The following WDR49 variants were observed in gnomAD, a reference collection of about 807,000 sequenced individuals.
WDR49 encodes the protein WD repeat domain 49.
A neutral mutation model predicts 119.5 loss-of-function variants in WDR49; 107 were observed. That is an observed-to-expected ratio of 0.90 (90% CI 0.77 to 1.05). The LOEUF (loss-of-function observed/expected upper bound fraction) is 1.05, where lower values mean the gene tolerates loss of function less well. Among genes scored for constraint, WDR49 ranks in the 50% least tolerant of loss-of-function variants. WDR49 has a pLI of 0.00. For synonymous variants in WDR49, 425 were observed against 418.8 expected (o/e 1.01, Z -0.18); for missense variants, 1,240 against 1,220.5 (o/e 1.02, Z -0.24).
chr3:167,523,489 C>T (rs1752527305), intron 15 of WDR49, among the ~76,000 whole-genome samples: 1 of 151,714 alleles, frequency 6.6e-6, no homozygotes, highest in African/African-American at 2.4e-5. Flanking sequence ...ATCAACCCAT[C>T]ATCTAAGTTT....
chr3:167,527,810 A>G lies in WDR49; in HGVS notation c.2604+10T>C. The stretch of plus-strand genomic sequence containing the variant: ...TAAATACTAGAATAATAAAGAAGCA[A>G]TATTTCTACCTGACCAAAGATCCAA... On this transcript the variant is annotated intron_variant, in intron 15 of 18. Coordinates refer to ENST00000682715, the MANE Select transcript of WDR49 (RefSeq NM_001366157.1). The G allele has an allele frequency of 6.2e-7, 1 of 1,609,264 alleles. No homozygotes were observed. Among genetic ancestry groups the G allele is most frequent in the Non-Finnish European group, 8.5e-7 (1 of 1,178,096 alleles).
At chr3:167,657,389 A>C (rs1332792086), upstream of WDR49, among the ~76,000 whole-genome samples, 2 of 152,174 alleles carry the variant, frequency 1.3e-5, no homozygotes, top group Non-Finnish European at 2.9e-5. Flanking sequence ...ACAGTATACC[A>C]TAATATAATA....
chr3:167,614,673 T>C (rs1716511744), intron 5 of WDR49, among the ~76,000 whole-genome samples: 1 of 152,212 alleles, frequency 6.6e-6, no homozygotes, highest in African/African-American at 2.4e-5. Flanking sequence ...AAGCACTATG[T>C]TAATACTCTT....
intron 17 of WDR49, among the ~76,000 whole-genome samples, chr3:167,501,630 G>T (rs1175614681): frequency 6.6e-6 from 1 of 152,096 alleles, no homozygotes; most frequent in African/African-American, 2.4e-5. Context: ...TTGGACATAA[G>T]TTGAAAAGAT....
intron 2 of WDR49, among the ~76,000 whole-genome samples, chr3:167,635,001 T>C (rs140107756): frequency 6.6e-6 from 1 of 151,838 alleles, no homozygotes; most frequent in East Asian, 1.9e-4. Flanking sequence ...TATATATTGG[T>C]CTTTATTACA....
At chr3:167,584,757 G>C (rs1714720280) in intron 7 of WDR49, among the ~76,000 whole-genome samples, 1 of 151,878 alleles carries the variant, frequency 6.6e-6, no homozygotes, top group Non-Finnish European at 1.5e-5. Flanking sequence ...GAACCATAAA[G>C]TTAAATGCAA....
intron 2 of WDR49, among the ~76,000 whole-genome samples, chr3:167,648,415 A>G (rs1056919234): frequency 1.3e-5 from 2 of 152,192 alleles, no homozygotes; most frequent in Non-Finnish European, 2.9e-5. Context: ...ATAGCAGATT[A>G]TTGTCCCAGA....
At chr3:167,608,446 G>A (rs1716168382) in intron 5 of WDR49, among the ~76,000 whole-genome samples, 1 of 152,176 alleles carries the variant, frequency 6.6e-6, no homozygotes, top group African/African-American at 2.4e-5. Flanking sequence ...GGCATCCGAA[G>A]TATTGCTTTA....
At chr3:167,533,001 A>G (rs1752903057) in intron 11 of WDR49, 24 bp from the exon 12 acceptor site, 1 of 1,500,022 alleles carries the variant, frequency 6.7e-7, no homozygotes, top group Non-Finnish European at 9.1e-7. Flanking sequence ...GATGGAGAAT[A>G]TAAATTGCCA....
intron 18 of WDR49, among the ~76,000 whole-genome samples, chr3:167,480,919 G>T (rs577754920): frequency 6.6e-6 from 1 of 152,166 alleles, no homozygotes. Context: ...GGTTTGGATC[G>T]GTGAAATAGA....
chr3:167,554,752 T>C lies in WDR49; in HGVS notation c.1721A>G (p.Gln574Arg), dbSNP rs749589732. 1.2e-6 allele frequency: 2 copies of C among 1,613,288 alleles called. No homozygotes were observed. Among genetic ancestry groups the C allele is most frequent in the Admixed American group, 1.7e-5 (1 of 59,924 alleles). Residue 574 changes from glutamine (Q) to arginine (R), a missense_variant, in exon 10 of 19, where the codon CAA becomes CGA. Transcript: ENST00000682715. ...GYCHHTLNVGQDGAVDISQIL... is the reference protein window; with the variant it reads ...GYCHHTLNVGRDGAVDISQIL... ...TTGTGAAATATCCACAGCTCCATCTTGCCCAACATTTAGTGTATGGTGACA... is the reference window on the plus strand; with the variant it reads ...TTGTGAAATATCCACAGCTCCATCTCGCCCAACATTTAGTGTATGGTGACA...
At chr3:167,577,685 T>C (rs1339212225) in intron 7 of WDR49, among the ~76,000 whole-genome samples, 1 of 152,154 alleles carries the variant, frequency 6.6e-6, no homozygotes, top group East Asian at 1.9e-4. Flanking sequence ...ATTGTGTAAA[T>C]ATTAGAACCT....
intron 7 of WDR49, among the ~76,000 whole-genome samples, chr3:167,596,958 A>G (rs946376873): frequency 4.0e-5 from 6 of 150,984 alleles, no homozygotes; most frequent in African/African-American, 1.5e-4. Flanking sequence ...TGGAAAAAAA[A>G]AAAAAAGAAA....
chr3:167,592,745 A>C (rs1319189654), intron 7 of WDR49, among the ~76,000 whole-genome samples: 2 of 151,992 alleles, frequency 1.3e-5, no homozygotes, highest in Non-Finnish European at 2.9e-5. Context: ...ATGATTTCTT[A>C]TTGCTAATTA....
chr3:167,479,952 C>A (rs948241235), intron 18 of WDR49, among the ~76,000 whole-genome samples: 2 of 151,778 alleles, frequency 1.3e-5, no homozygotes, highest in African/African-American at 4.8e-5. Context: ...AAAAAAAGGC[C>A]GGGCACGGTG....
At chr3:167,652,847 G>T (rs550858707) in intron 2 of WDR49, among the ~76,000 whole-genome samples, 1 of 152,166 alleles carries the variant, frequency 6.6e-6, no homozygotes, top group East Asian at 1.9e-4. Flanking sequence ...TGCAAACTGG[G>T]TATGCATATT....
chr3:167,501,599 C>T (rs971717653), intron 17 of WDR49, among the ~76,000 whole-genome samples: 1 of 152,060 alleles, frequency 6.6e-6, no homozygotes, highest in East Asian at 1.9e-4. Context: ...CATATCTGCT[C>T]TATGAAAGTG....
At chr3:167,568,176 T>G (rs1172542315) in intron 8 of WDR49, among the ~76,000 whole-genome samples, 1 of 152,228 alleles carries the variant, frequency 6.6e-6, no homozygotes, top group African/African-American at 2.4e-5. Context: ...TCCTTTCTTC[T>G]CAATTATTTC....
In WDR49 at chr3:167,536,955, G is replaced by A. The variant is rs745441776; in HGVS notation, c.1869C>T (p.Ile623=). 5 of 1,590,480 alleles carry A rather than the reference G, an allele frequency of 3.1e-6. No individual in the cohort carries two copies. In the South Asian group the frequency reaches 3.4e-5, roughly 11 times the overall value. The change falls in exon 11 of 19, where the codon ATC becomes ATT. Residue 623 remains isoleucine, a synonymous_variant. Transcript: ENST00000682715. ...FRPQNFNQFF[I]QPEEWKGGIQ... ...TACCTCCTTTCCATTCTTCAGGCTG[G>A]ATGAAAAATTGATTGAAGTTTTGGG... is the stretch of plus-strand genomic sequence containing the variant.
Sources: gnomAD v4.1 joint callset for allele counts (sites outside exome capture counted in the v4.1 genomes callset) on GRCh38, gnomAD v4.1.1 for gene constraint, MANE v1.5 for transcripts, NCBI Gene and HGNC (gene_info 2026-07-23, HGNC 2026-07-21) for gene names.